The following TRIO variants were observed in gnomAD, a reference collection of about 807,000 sequenced individuals.
TRIO encodes triple functional domain protein.
In TRIO, 58 loss-of-function variants were observed where a neutral mutation model predicts 351.9. The ratio of observed to expected loss-of-function variants is 0.16; its 90% CI spans 0.13 to 0.21. The LOEUF is 0.21. Ranked by LOEUF, TRIO falls within the 10% of genes least tolerant of loss-of-function variation. The pLI, the probability that TRIO is intolerant of heterozygous loss-of-function variation, is 1.00. For synonymous variants in TRIO, 1,758 were observed against 1,595.7 expected (o/e 1.10, Z -2.42); for missense variants, 3,201 against 4,027.8 (o/e 0.79, Z 5.56).
At chr5:14,150,580 T>C (rs1308292319) in intron 1 of TRIO, among the ~76,000 whole-genome samples, 1 of 151,936 alleles carries the variant, frequency 6.6e-6, no homozygotes, top group Non-Finnish European at 1.5e-5. Flanking sequence ...ACAAGACATA[T>C]CTAGAAAGAA....
intron 38 of TRIO, 120 bp from the exon 39 acceptor site, chr5:14,472,472 G>A (rs892789204): frequency 1.5e-5 from 16 of 1,051,846 alleles, no homozygotes; most frequent in Admixed American, 1.2e-4. Flanking sequence ...ACACCTAAAT[G>A]TACAAATTTG....
At chr5:14,430,198 ATTT>A (rs1264039298) in intron 34 of TRIO, among the ~76,000 whole-genome samples, 3 of 123,454 alleles carry the variant, frequency 2.4e-5, no homozygotes, top group Non-Finnish European at 5.0e-5. Context: ...TTTTTTTTTA[ATTT>A]TTTTACCCAA....
intron 33 of TRIO, 92 bp from the exon 34 acceptor site, chr5:14,419,686 G>A (rs1749952075): frequency 1.3e-6 from 2 of 1,550,756 alleles, no homozygotes; most frequent in Non-Finnish European, 1.7e-6. Flanking sequence ...GGGCAGGGTG[G>A]CAGGAACCCA....
chr5:14,158,080 A>T (rs1207045314), intron 1 of TRIO, among the ~76,000 whole-genome samples: 1 of 152,166 alleles, frequency 6.6e-6, no homozygotes, highest in Non-Finnish European at 1.5e-5. Context: ...GCAAGAAAAA[A>T]AATCATAATT....
intron 1 of TRIO, among the ~76,000 whole-genome samples, chr5:14,197,875 A>G (rs1419995908): frequency 1.3e-5 from 2 of 152,222 alleles, no homozygotes; most frequent in Non-Finnish European, 2.9e-5. Context: ...CTGGACTGCA[A>G]GCATGCCTGC....
At chr5:14,210,004 G>A (rs181382236) in intron 1 of TRIO, among the ~76,000 whole-genome samples, 20 of 152,276 alleles carry the variant, frequency 1.3e-4, no homozygotes, top group African/African-American at 4.3e-4. Flanking sequence ...AGCTTGCAGC[G>A]TGGACCAAGT....
chr5:14,353,868 ATCTTC>A (rs1389354734), intron 11 of TRIO, among the ~76,000 whole-genome samples: 2 of 152,202 alleles, frequency 1.3e-5, no homozygotes, highest in African/African-American at 2.4e-5. Flanking sequence ...GTCATTTTTC[ATCTTC>A]TCTTCACCGG....
chr5:14,490,443 C>T (rs1425922921), intron 48 of TRIO, among the ~76,000 whole-genome samples: 1 of 152,268 alleles, frequency 6.6e-6, no homozygotes, highest in African/African-American at 2.4e-5. Flanking sequence ...TTCTGCAAAG[C>T]TCTGCTGACA....
intron 48 of TRIO, 99 bp from the exon 49 acceptor site, chr5:14,492,468 G>A: frequency 6.5e-7 from 1 of 1,534,900 alleles, no homozygotes; most frequent in East Asian, 2.3e-5. Context: ...CCTGCACGGG[G>A]TCATGGTGCC....
At chr5:14,489,672 A>G (rs770650506) in intron 48 of TRIO, among the ~76,000 whole-genome samples, 8 of 152,182 alleles carry the variant, frequency 5.3e-5, no homozygotes, top group African/African-American at 1.7e-4. Flanking sequence ...TAACACTTCA[A>G]CTGCTCCAAG....
chr5:14,223,750 A>G (rs1304278441), intron 1 of TRIO, among the ~76,000 whole-genome samples: 2 of 152,158 alleles, frequency 1.3e-5, no homozygotes, highest in African/African-American at 4.8e-5. Flanking sequence ...GAAGGTCATC[A>G]TCTCCCTTTG....
At chr5:14,230,589 T>G (rs1415321838) in intron 1 of TRIO, among the ~76,000 whole-genome samples, 1 of 152,184 alleles carries the variant, frequency 6.6e-6, no homozygotes, top group Non-Finnish European at 1.5e-5. Context: ...AACTCTCTCC[T>G]GTGCTTCCTC....
intron 7 of TRIO, among the ~76,000 whole-genome samples, 187 bp from the exon 8 acceptor site, chr5:14,304,274 A>G (rs559183738): frequency 7.0e-4 from 107 of 152,084 alleles, no homozygotes; most frequent in Non-Finnish European, 1.4e-3. Context: ...TCCTGCTGGA[A>G]CTCACTCTGG....
chr5:14,143,986 C>G (rs1787333457), intron 1 of TRIO, 104 bp downstream of exon 1: 2 of 865,556 alleles, frequency 2.3e-6, no homozygotes, highest in Non-Finnish European at 2.8e-6. Context: ...GGTGCCCGCC[C>G]GTCCGTCCGT....
At chr5:14,212,267 C>T (rs16903314) in intron 1 of TRIO, among the ~76,000 whole-genome samples, 6 of 152,152 alleles carry the variant, frequency 3.9e-5, no homozygotes, top group African/African-American at 1.2e-4. Context: ...TAAGGACCAA[C>T]AGGCGGGTTT....
chr5:14,205,245 T>G (rs374678645), intron 1 of TRIO, among the ~76,000 whole-genome samples: 2 of 152,374 alleles, frequency 1.3e-5, no homozygotes, highest in East Asian at 1.9e-4. Flanking sequence ...ATCCACCGCA[T>G]GCTTCCTGGG....
chr5:14,158,381 C>T (rs566930160), intron 1 of TRIO, among the ~76,000 whole-genome samples: 3 of 151,022 alleles, frequency 2.0e-5, no homozygotes, highest in South Asian at 2.1e-4. Flanking sequence ...ACTGAGATCA[C>T]GCCACTGCAC....
At chr5:14,403,469 G>C (rs369945176) in intron 31 of TRIO, among the ~76,000 whole-genome samples, 4 of 98,428 alleles carry the variant, frequency 4.1e-5, no homozygotes, top group South Asian at 3.7e-4. Context: ...GAGGGTGCAG[G>C]TTGTGGTGAG....
intron 1 of TRIO, among the ~76,000 whole-genome samples, chr5:14,149,179 C>G (rs1383116064): frequency 3.3e-5 from 5 of 152,180 alleles, no homozygotes; most frequent in Non-Finnish European, 7.3e-5. Flanking sequence ...GTCTCCTCCC[C>G]CTGTGCCCGC....
Sources: gnomAD v4.1 joint callset for allele counts (sites outside exome capture counted in the v4.1 genomes callset) on GRCh38, gnomAD v4.1.1 for gene constraint, MANE v1.5 for transcripts, NCBI Gene and HGNC (gene_info 2026-07-23, HGNC 2026-07-21) for gene names.